CSMD1: variants seen among roughly 807,000 people sequenced by gnomAD.
CSMD1 encodes the protein CUB and sushi domain-containing protein 1.
CSMD1 carries 213 observed loss-of-function variants against 417.5 expected under a neutral mutation model. The observed-to-expected ratio is 0.51, with a 90% CI of 0.46 to 0.57. The LOEUF is 0.57. Ranked by LOEUF, CSMD1 falls within the 20% of genes least tolerant of loss-of-function variation. The pLI is 0.00. For synonymous variants in CSMD1, 2,862 were observed against 1,736.8 expected (o/e 1.65, Z -16.11); for missense variants, 6,923 against 4,529.7 (o/e 1.53, Z -15.17).
intron 1 of CSMD1, among the ~76,000 whole-genome samples, chr8:4,960,248 G>A (rs1405216130): frequency 1.3e-5 from 2 of 152,114 alleles, no homozygotes; most frequent in African/African-American, 4.8e-5. Flanking sequence ...ATATCTTGAA[G>A]GAAATGGAAA....
At chr8:3,052,412 C>T (rs1301432866) in intron 50 of CSMD1, 50 bp downstream of exon 50, 4 of 1,451,054 alleles carry the variant, frequency 2.8e-6, no homozygotes, top group Non-Finnish European at 2.8e-6. Flanking sequence ...CGAAAGCATT[C>T]AGTTCCCACC....
At chr8:3,845,861 T>A (rs1179245042) in intron 5 of CSMD1, among the ~76,000 whole-genome samples, 1 of 152,042 alleles carries the variant, frequency 6.6e-6, no homozygotes, top group Non-Finnish European at 1.5e-5. Context: ...ACTTCTTTTG[T>A]TAAAAATGAA....
chr8:4,422,468 TAAGAA>T (rs1439316018), intron 2 of CSMD1, among the ~76,000 whole-genome samples: 2 of 151,952 alleles, frequency 1.3e-5, no homozygotes, highest in East Asian at 1.9e-4. Context: ...ACGGTAAAAA[TAAGAA>T]AAGAGAAGGA....
At chr8:3,950,060 G>A (rs1016371339) in intron 5 of CSMD1, 4 of 447,036 alleles carry the variant, frequency 8.9e-6, no homozygotes, top group African/African-American at 4.1e-5. Context: ...AGACAGGACT[G>A]AGTTGCCAGA....
intron 3 of CSMD1, among the ~76,000 whole-genome samples, chr8:4,328,145 G>T (rs768933691): frequency 6.6e-5 from 10 of 151,930 alleles, no homozygotes; most frequent in Non-Finnish European, 1.5e-4. Context: ...AATACTCAAA[G>T]ATGTTAAATG....
intron 1 of CSMD1, among the ~76,000 whole-genome samples, chr8:4,798,833 G>A (rs1798123479): frequency 6.6e-6 from 1 of 152,198 alleles, no homozygotes; most frequent in Non-Finnish European, 1.5e-5. Flanking sequence ...GCTGCCTAAA[G>A]TTTCATATAA....
At chr8:4,019,200 G>C (rs1190266832) in intron 4 of CSMD1, among the ~76,000 whole-genome samples, 3 of 152,158 alleles carry the variant, frequency 2.0e-5, no homozygotes, top group Admixed American at 1.3e-4. Flanking sequence ...GTTTATTATG[G>C]ACAATAAACC....
At chr8:3,341,747 T>G (rs913539116) in intron 23 of CSMD1, among the ~76,000 whole-genome samples, 3 of 152,170 alleles carry the variant, frequency 2.0e-5, no homozygotes, top group Non-Finnish European at 2.9e-5. Flanking sequence ...TAGGTGTGCA[T>G]GGAACTTCCC....
intron 59 of CSMD1, 76 bp from the exon 60 acceptor site, chr8:2,963,471 TA>T (rs1273475868): frequency 1.4e-6 from 2 of 1,435,662 alleles, no homozygotes; most frequent in African/African-American, 2.8e-5. Context: ...ATTCCCATTT[TA>T]ATTTTACCTG....
Position 3,202,914 on chromosome 8 carries a change from C to T in CSMD1, c.4985-1189G>A, listed in dbSNP as rs1797064476. Among the ~76,000 whole-genome samples the T allele has an allele frequency of 2.0e-5, 3 of 152,090 alleles. No homozygotes were observed. In the South Asian group the frequency reaches 6.2e-4, roughly 32 times the overall value. ...GTGAATTTTCCCAATAGATGAAATG[C>T]TCTAAAAACTTTTTTCAGGAATTAG... On this transcript the variant is annotated intron_variant, in intron 31 of 69. Transcript: ENST00000635120.
rs554868912 is a variant in CSMD1, at chr8:3,162,154, G to T, written c.5844+5C>A. 1.3e-6 allele frequency: 2 copies of T among 1,571,914 alleles called. No individual in the cohort carries two copies. The highest frequency in any genetic ancestry group is 1.7e-5 in the Admixed American group (1 of 57,832). On this transcript the variant is annotated splice_donor_5th_base_variant and intron_variant, in intron 38 of 69. Transcript: ENST00000635120. ...GTTATTCCTGAGCACTGAGAAGAAGGATACCTGCAGGGTGTACCCGGGCTC... is the reference window on the plus strand; with the variant it reads ...GTTATTCCTGAGCACTGAGAAGAAGTATACCTGCAGGGTGTACCCGGGCTC...
intron 3 of CSMD1, among the ~76,000 whole-genome samples, chr8:4,392,340 G>A (rs1050932057): frequency 9.9e-5 from 15 of 152,278 alleles, no homozygotes; most frequent in Admixed American, 9.8e-4. Flanking sequence ...GATATGTAGG[G>A]AAGGTCACAT....
chr8:3,689,080 C>G (rs1054130120), intron 7 of CSMD1, among the ~76,000 whole-genome samples: 2 of 152,096 alleles, frequency 1.3e-5, no homozygotes, highest in African/African-American at 4.8e-5. Flanking sequence ...ACACTTATTC[C>G]CAACTCATCA....
At chr8:3,703,333 G>A (rs945679622) in intron 7 of CSMD1, among the ~76,000 whole-genome samples, 4 of 152,136 alleles carry the variant, frequency 2.6e-5, no homozygotes, top group African/African-American at 7.2e-5. Context: ...TGATGAACGT[G>A]GGTTCCCAAA....
At chr8:4,166,513 G>A (rs1797464696) in intron 3 of CSMD1, among the ~76,000 whole-genome samples, 1 of 152,130 alleles carries the variant, frequency 6.6e-6, no homozygotes. Context: ...GAATGGAAAA[G>A]CAAATACTGT....
intron 7 of CSMD1, among the ~76,000 whole-genome samples, chr8:3,702,695 C>T (rs538833108): frequency 4.6e-4 from 70 of 152,150 alleles, no homozygotes; most frequent in African/African-American, 1.5e-3. Context: ...AGCCGGGCAT[C>T]GTGGTGCATG....
At chr8:4,426,657 T>C (rs1378243716) in intron 2 of CSMD1, among the ~76,000 whole-genome samples, 1 of 147,312 alleles carries the variant, frequency 6.8e-6, no homozygotes, top group Admixed American at 6.9e-5. Context: ...ATTCATATTT[T>C]ATAGTAATAT....
intron 5 of CSMD1, among the ~76,000 whole-genome samples, chr8:3,779,108 A>C (rs889838786): frequency 6.6e-6 from 1 of 151,384 alleles, no homozygotes; most frequent in Non-Finnish European, 1.5e-5. Context: ...CCTAATGTCT[A>C]TTTTTCAGAT....
chr8:3,772,595 ATATATACACATATATT>A, intron 5 of CSMD1, among the ~76,000 whole-genome samples: 1 of 141,988 alleles, frequency 7.0e-6, no homozygotes, highest in Admixed American at 7.4e-5. Context: ...ATTTATATAC[ATATATACACATATATT>A]TATATACATA....
Sources: gnomAD v4.1 joint callset for allele counts (sites outside exome capture counted in the v4.1 genomes callset) on GRCh38, gnomAD v4.1.1 for gene constraint, MANE v1.5 for transcripts, NCBI Gene and HGNC (gene_info 2026-07-23, HGNC 2026-07-21) for gene names.